Variants in CNBD1 observed in about 807,000 individuals in gnomAD.
The protein encoded by CNBD1 is cyclic nucleotide-binding domain-containing protein 1.
CNBD1 carries 71 observed loss-of-function variants against 54.4 expected under a neutral mutation model. The ratio of observed to expected loss-of-function variants is 1.30; its 90% CI spans 1.08 to 1.59. The LOEUF (loss-of-function observed/expected upper bound fraction) is 1.59. Ranked by LOEUF, CNBD1 falls within the 40% of genes most tolerant of loss-of-function variation. CNBD1 has a pLI of 0.00. For synonymous variants in CNBD1, 182 were observed against 170.7 expected (o/e 1.07, Z -0.51); for missense variants, 659 against 518.0 (o/e 1.27, Z -2.64).
intron 3 of CNBD1, among the ~76,000 whole-genome samples, chr8:86,922,043 C>T (rs553041301): frequency 1.3e-5 from 2 of 151,970 alleles, no homozygotes; most frequent in African/African-American, 4.8e-5. Context: ...GCAGAGGAGG[C>T]TTTCTTGAGG....
chr8:86,958,914 T>G (rs1204279066), intron 4 of CNBD1, among the ~76,000 whole-genome samples: 1 of 152,142 alleles, frequency 6.6e-6, no homozygotes. Flanking sequence ...GTTATTTTAC[T>G]CATTAGTTGA....
intron 2 of CNBD1, among the ~76,000 whole-genome samples, chr8:86,898,748 C>T (rs1035371316): frequency 1.5e-4 from 23 of 152,094 alleles, no homozygotes; most frequent in South Asian, 2.1e-4. Flanking sequence ...TTCTAGGTAA[C>T]GTTGGGTTTG....
intron 8 of CNBD1, among the ~76,000 whole-genome samples, chr8:87,316,967 G>T (rs374120304): frequency 6.6e-6 from 1 of 151,620 alleles, no homozygotes; most frequent in Non-Finnish European, 1.5e-5. Flanking sequence ...AAGTCTAGTT[G>T]TATTATGTCC....
intron 4 of CNBD1, among the ~76,000 whole-genome samples, chr8:87,172,136 C>T (rs1425364320): frequency 1.3e-5 from 2 of 151,586 alleles, no homozygotes; most frequent in Non-Finnish European, 2.9e-5. Context: ...GTATAGTTTC[C>T]AAAATTCTTC....
chr8:87,021,345 T>C (rs914540936), intron 4 of CNBD1, among the ~76,000 whole-genome samples: 4 of 152,242 alleles, frequency 2.6e-5, no homozygotes, highest in Non-Finnish European at 5.9e-5. Context: ...TGTCTGGGAA[T>C]ACTTTTGTAG....
intron 2 of CNBD1, among the ~76,000 whole-genome samples, chr8:87,426,473 T>C (rs1808053042): frequency 6.6e-6 from 1 of 152,210 alleles, no homozygotes; most frequent in Non-Finnish European, 1.5e-5. Context: ...TTCACAACCA[T>C]AAAATTGAGA....
At chr8:86,993,781 G>T (rs1001696776) in intron 4 of CNBD1, among the ~76,000 whole-genome samples, 1 of 152,210 alleles carries the variant, frequency 6.6e-6, no homozygotes, top group African/African-American at 2.4e-5. Flanking sequence ...TTAGAGTAGT[G>T]ACCAGCAGAT....
intron 2 of CNBD1, among the ~76,000 whole-genome samples, chr8:87,426,911 T>C (rs1040193711): frequency 6.6e-6 from 1 of 152,340 alleles, no homozygotes; most frequent in Admixed American, 6.5e-5. Flanking sequence ...TAGGTGTGGA[T>C]AAACCAATCA....
At chr8:87,272,228 G>A (rs1808382635) in intron 6 of CNBD1, among the ~76,000 whole-genome samples, 1 of 151,728 alleles carries the variant, frequency 6.6e-6, no homozygotes, top group Admixed American at 6.6e-5. Flanking sequence ...TAGTTAGCGG[G>A]GAATAATTAG....
intron 3 of CNBD1, among the ~76,000 whole-genome samples, chr8:86,909,445 G>A (rs574478336): frequency 6.6e-6 from 1 of 152,194 alleles, no homozygotes; most frequent in East Asian, 1.9e-4. Flanking sequence ...GCAGTTAAAG[G>A]GAATTTGGTA....
intron 4 of CNBD1, among the ~76,000 whole-genome samples, chr8:87,154,678 C>T (rs1376973910): frequency 6.6e-6 from 1 of 152,132 alleles, no homozygotes; most frequent in Non-Finnish European, 1.5e-5. Flanking sequence ...AGAATTTCCT[C>T]TACTGTCTTC....
chr8:87,375,044 A>T (rs1405037924), intron 10 of CNBD1, among the ~76,000 whole-genome samples: 1 of 151,782 alleles, frequency 6.6e-6, no homozygotes, highest in Admixed American at 6.6e-5. Context: ...TTTGTCCTTA[A>T]CATTTATAAA....
At chr8:87,348,200 T>G (rs1810212574) in intron 8 of CNBD1, among the ~76,000 whole-genome samples, 2 of 152,198 alleles carry the variant, frequency 1.3e-5, no homozygotes, top group South Asian at 4.1e-4. Flanking sequence ...TAATCAAAAC[T>G]TCATTCTTCT....
At chr8:87,168,765 A>G (rs1347418765) in intron 4 of CNBD1, among the ~76,000 whole-genome samples, 1 of 151,958 alleles carries the variant, frequency 6.6e-6, no homozygotes, top group Non-Finnish European at 1.5e-5. Flanking sequence ...ACAGGATCTC[A>G]TTCTTCTTTT....
chr8:87,398,589 T>C (rs572324952), intron 2 of CNBD1, among the ~76,000 whole-genome samples: 1 of 152,180 alleles, frequency 6.6e-6, no homozygotes, highest in East Asian at 1.9e-4. Context: ...AAACCGTGGA[T>C]TGCTTTACAT....
chr8:87,428,322 A>C (rs746790882), intron 2 of CNBD1, among the ~76,000 whole-genome samples: 7 of 152,126 alleles, frequency 4.6e-5, no homozygotes, highest in Non-Finnish European at 1.0e-4. Flanking sequence ...TCTGAATATA[A>C]AGTTGGACAT....
intron 2 of CNBD1, among the ~76,000 whole-genome samples, chr8:86,904,878 T>C (rs1808992327): frequency 2.0e-5 from 3 of 152,134 alleles, no homozygotes. Context: ...TCATACATTA[T>C]CATACATTTT....
At chr8:87,318,823 A>G (rs371568856) in intron 8 of CNBD1, among the ~76,000 whole-genome samples, 1 of 152,080 alleles carries the variant, frequency 6.6e-6, no homozygotes, top group Non-Finnish European at 1.5e-5. Flanking sequence ...CAGGAAGGAT[A>G]GTCATGGTAA....
intron 4 of CNBD1, among the ~76,000 whole-genome samples, chr8:87,028,437 C>T (rs535497769): frequency 1.3e-5 from 2 of 152,288 alleles, no homozygotes; most frequent in African/African-American, 4.8e-5. Context: ...AATCTATTAC[C>T]AGAACACCAG....
Sources: gnomAD v4.1 joint callset for allele counts (sites outside exome capture counted in the v4.1 genomes callset) on GRCh38, gnomAD v4.1.1 for gene constraint, MANE v1.5 for transcripts, NCBI Gene and HGNC (gene_info 2026-07-23, HGNC 2026-07-21) for gene names.